Variants in KLHL26 observed in about 807,000 individuals in gnomAD.
The protein encoded by KLHL26 is kelch like family member 26, also known as kelch-like protein 26.
A neutral mutation model predicts 7.1 loss-of-function variants in KLHL26; 4 were observed. The ratio of observed to expected loss-of-function variants is 0.56; its 90% CI spans 0.28 to 1.28. The LOEUF is 1.28. KLHL26 is among the 50% of genes most tolerant of loss of function. The probability of loss-of-function intolerance (pLI) is 0.11; values close to 1 mark genes in which losing one functional copy is unlikely to be tolerated. For missense variants in KLHL26, 896 were observed against 924.6 expected (o/e 0.97, Z 0.40); for synonymous variants, 465 against 414.1 (o/e 1.12, Z -1.49).
chr19:18,654,965 A>G lies in KLHL26; in HGVS notation c.84-9296A>G, dbSNP rs540603455. On this transcript the variant is annotated intron_variant, in intron 1 of 2. Transcript: ENST00000300976. Reference sequence around the variant, plus strand: ...TGAGCACCAGAACATTACAGGAGACAGAACCTTGCCTGCTCGGCTTCCATG... The same window carrying G: ...TGAGCACCAGAACATTACAGGAGACGGAACCTTGCCTGCTCGGCTTCCATG... 5.9e-5 allele frequency among the ~76,000 whole-genome samples: 9 copies of G among 152,394 alleles called. No individual in the cohort carries two copies. In the South Asian group the frequency reaches 1.9e-3, roughly 32 times the overall value.
intron 1 of KLHL26, among the ~76,000 whole-genome samples, chr19:18,660,595 A>C (rs996800026): frequency 6.6e-6 from 1 of 152,004 alleles, no homozygotes; most frequent in African/African-American, 2.4e-5. Context: ...GCTGGAGAGG[A>C]CCTTAGTCAT....
intron 1 of KLHL26, among the ~76,000 whole-genome samples, chr19:18,660,919 G>A (rs527273405): frequency 7.2e-5 from 11 of 152,328 alleles, no homozygotes; most frequent in African/African-American, 2.2e-4. Context: ...TTGGTCCAGC[G>A]TGGGCCCTGT....
Position 18,668,778 on chromosome 19 carries a change from C to T in KLHL26, c.1381C>T (p.Arg461Cys), listed in dbSNP as rs1263665885. 4.4e-6 allele frequency: 7 copies of T among 1,595,114 alleles called. No homozygotes were observed. The Admixed American group carries it at 8.4e-5, about 19-fold the overall frequency. The change falls in exon 3 of 3, where the codon CGC (arginine) becomes TGC (cysteine). Residue 461 changes from arginine to cysteine, a missense_variant. Transcript: ENST00000300976. ...WGHAGAASGG[R>C]LYISGGYGIS... is the part of the protein sequence containing the mutation. Reference sequence around the variant, plus strand: ...CCATGCTGGGGCCGCCTCAGGGGGCCGCCTCTACATCTCGGGTGGCTACGG... The same window carrying T: ...CCATGCTGGGGCCGCCTCAGGGGGCTGCCTCTACATCTCGGGTGGCTACGG...
chr19:18,650,674 C>T lies in KLHL26; in HGVS notation c.83+13537C>T, dbSNP rs1250358716. 6.6e-6 allele frequency among the ~76,000 whole-genome samples: 1 copy of T among 152,206 alleles called. No homozygotes were observed. The highest frequency in any genetic ancestry group is 1.9e-4 in the East Asian group (1 of 5,194). On this transcript the variant is annotated intron_variant, in intron 1 of 2. Transcript: ENST00000300976. The surrounding 1 kb of genome is among the most constrained non-coding windows in gnomAD (Gnocchi z 4.2). ...CTCGCCAAGGCTGATGGCACCGGGC[C>T]CCTTTGCCGTTCCAGCCTCAGTCAC...
In KLHL26 at chr19:18,664,265, G is replaced by A. The variant is rs749078539; in HGVS notation, c.88G>A (p.Ala30Thr). The A allele has an allele frequency of 1.8e-5, 28 of 1,596,482 alleles. No individual in the cohort carries two copies. The Admixed American group carries it at 4.3e-4, about 24-fold the overall frequency. Residue 30 changes from alanine to threonine, a missense_variant, in exon 2 of 3, where the codon GCC becomes ACC. Transcript: ENST00000300976. ...CCACCTCTGCTTTCCCCGCAGCACGGCCGACAAGAACGGGGCCCTCAAGTG... is the reference window on the plus strand; with the variant it reads ...CCACCTCTGCTTTCCCCGCAGCACGACCGACAAGAACGGGGCCCTCAAGTG... ...GPGPERPNST[A>T]DKNGALKCTF...
chr19:18,659,696 G>A (rs921751401), intron 1 of KLHL26: 1 of 152,010 alleles, frequency 6.6e-6, no homozygotes, highest in African/African-American at 2.4e-5. Context: ...GAACCGTTCT[G>A]GGGCTTTGGA....
chr19:18,669,628 T>C lies in KLHL26; in HGVS notation c.*383T>C. The C allele has an allele frequency of 2.3e-6, 1 of 434,188 alleles. No individual in the cohort carries two copies. Among genetic ancestry groups the C allele is most frequent in the Non-Finnish European group, 4.1e-6 (1 of 243,886 alleles). The allele number at this position is 434,188 out of a possible 1,614,324, so 26.9% of individuals were successfully genotyped here. A position where few individuals can be genotyped will look rare whatever the true frequency, so the allele number is the denominator to read the frequency against. On this transcript the variant is annotated 3_prime_UTR_variant, in exon 3 of 3. Coordinates refer to ENST00000300976, the MANE Select transcript of KLHL26 (RefSeq NM_018316.3). ...AGCCCCACGGTTTCAGGCATTCAGATGTGAGCTCATCAACATTGAACCCAA... is the reference window on the plus strand; with the variant it reads ...AGCCCCACGGTTTCAGGCATTCAGACGTGAGCTCATCAACATTGAACCCAA...
chr19:18,667,397 C>T (rs1473526695), intron 2 of KLHL26: 2 of 539,802 alleles, frequency 3.7e-6, no homozygotes, highest in Non-Finnish European at 6.6e-6. Context: ...ACTCTGTCAC[C>T]CAGGCTGGAG....
intron 2 of KLHL26, chr19:18,667,450 C>T (rs1003950829): frequency 1.7e-5 from 12 of 714,540 alleles, no homozygotes; most frequent in Non-Finnish European, 2.5e-5. Context: ...ATGATCCACC[C>T]GCCTGGGCTT....
At chr19:18,660,144 C>G (rs1005100431) in intron 1 of KLHL26, among the ~76,000 whole-genome samples, 4 of 152,208 alleles carry the variant, frequency 2.6e-5, no homozygotes, top group African/African-American at 9.6e-5. Flanking sequence ...CCTAGCACAT[C>G]CCTGCACTGG....
intron 1 of KLHL26, among the ~76,000 whole-genome samples, chr19:18,640,252 T>G (rs1034596161): frequency 6.6e-6 from 1 of 152,094 alleles, no homozygotes; most frequent in Non-Finnish European, 1.5e-5. Context: ...TCTTTTTTTT[T>G]GAGACAGGGT....
rs976852539 is a variant in KLHL26, at chr19:18,650,124, G to A, written c.83+12987G>A. 1.3e-5 allele frequency among the ~76,000 whole-genome samples: 2 copies of A among 152,178 alleles called. No individual in the cohort carries two copies. The highest frequency in any genetic ancestry group is 4.8e-5 in the African/African-American group (2 of 41,446). On this transcript the variant is annotated intron_variant, in intron 1 of 2. Transcript: ENST00000300976. The surrounding 1 kb of genome is among the most constrained non-coding windows in gnomAD (Gnocchi z 4.2). Reference sequence around the variant, plus strand: ...CCTGGAGGGGGGTCACCCGAGGATCGAGGCCGAAGATGTTTACTGACGCCA... The same window carrying A: ...CCTGGAGGGGGGTCACCCGAGGATCAAGGCCGAAGATGTTTACTGACGCCA...
chr19:18,639,403 GTT>G lies in KLHL26; in HGVS notation c.83+2291_83+2292del, dbSNP rs34034254. 3.4e-3 allele frequency among the ~76,000 whole-genome samples: 239 copies of G among 71,202 alleles called. 1 individual carries two copies. The highest frequency in any genetic ancestry group is 0.013 in the African/African-American group (220 of 17,348). The allele number at this position is 71,202 out of a possible 152,430, so 46.7% of individuals were successfully genotyped here. ...TTCACTCATTTTAATTTATCATTAA[GTT>G]TTTTTTTTTTTTTTTTTTTTTTTTG... On this transcript the variant is annotated intron_variant, in intron 1 of 2. Transcript: ENST00000300976.
At chr19:18,660,380 G>A (rs1019133573) in intron 1 of KLHL26, among the ~76,000 whole-genome samples, 1 of 152,216 alleles carries the variant, frequency 6.6e-6, no homozygotes, top group African/African-American at 2.4e-5. Context: ...GGGCAGCAAT[G>A]GCCTCTTGAG....
intron 1 of KLHL26, among the ~76,000 whole-genome samples, chr19:18,662,562 C>G (rs1442086089): frequency 6.6e-6 from 1 of 152,226 alleles, no homozygotes; most frequent in Non-Finnish European, 1.5e-5. Flanking sequence ...CTTGAGGGTC[C>G]TCAGAGGCAC....
chr19:18,645,414 C>T (rs979935186), intron 1 of KLHL26, among the ~76,000 whole-genome samples: 1 of 152,146 alleles, frequency 6.6e-6, no homozygotes, highest in African/African-American at 2.4e-5. Context: ...CCCACGCTCC[C>T]TGGAGACGCC....
intron 1 of KLHL26, among the ~76,000 whole-genome samples, chr19:18,658,715 A>C (rs1479619628): frequency 7.9e-5 from 8 of 101,234 alleles, no homozygotes; most frequent in South Asian, 3.1e-4. Context: ...CTCCCTCTGG[A>C]TCTTTCTCTC....
In KLHL26 at chr19:18,637,131, C is replaced by G. The variant is rs550453076; in HGVS notation, c.77C>G (p.Pro26Arg). The G allele has an allele frequency of 7.4e-7, 1 of 1,349,246 alleles. No individual in the cohort carries two copies. The highest frequency in any genetic ancestry group is 1.5e-5 in the African/African-American group (1 of 65,308). 83.6% of individuals were successfully genotyped at this position (1,349,246 alleles called of 1,614,324 possible). ...GGCGCGGGCCCGGGCCCCGAGCGCCCGAACAGGTGAGACCCGGCCCGCAGG... is the reference window on the plus strand; with the variant it reads ...GGCGCGGGCCCGGGCCCCGAGCGCCGGAACAGGTGAGACCCGGCCCGCAGG... ...AFGAGPGPER[P>R]NSTADKNGAL... The change falls in exon 1 of 3, where the codon CCG becomes CGG. Residue 26 changes from proline to arginine, a missense_variant. Physicochemically the swap from Pro to Arg is moderately radical, Grantham distance 103. Coordinates refer to ENST00000300976, the MANE Select transcript of KLHL26 (RefSeq NM_018316.3).
rs753056764 is a variant in KLHL26 at position 18,669,213 on chromosome 19, G to A, written c.1816G>A (p.Val606Ile). 1.2e-5 allele frequency: 19 copies of A among 1,611,470 alleles called. No homozygotes were observed. Among genetic ancestry groups the A allele is most frequent in the South Asian group, 8.8e-5 (8 of 91,080 alleles). Reference protein sequence around the residue: ...ESFAGIACAPVLLPRAGTRR With the variant: ...ESFAGIACAPILLPRAGTRR ...CTTCGCAGGCATAGCCTGCGCCCCC[G>A]TCCTGCTGCCCCGGGCCGGGACCAG... The change falls in exon 3 of 3, where the codon GTC becomes ATC. Residue 606 changes from valine to isoleucine, a missense_variant. Val to Ile is a conservative substitution (Grantham distance 29). Transcript: ENST00000300976.
Sources: allele counts gnomAD v4.1 joint callset (sites outside exome capture counted in the v4.1 genomes callset), GRCh38; gene constraint gnomAD v4.1.1; non-coding constraint Gnocchi (gnomAD v3.1); transcripts MANE v1.5; gene names NCBI Gene and HGNC (gene_info 2026-07-23, HGNC 2026-07-21).